The following LDLRAD4 variants were observed in gnomAD, a reference collection of about 807,000 sequenced individuals.
LDLRAD4 encodes the protein low density lipoprotein receptor class A domain containing 4, also known as low-density lipoprotein receptor class A domain-containing protein 4.
In LDLRAD4, 5 loss-of-function variants were observed where a neutral mutation model predicts 17.0. That is an observed-to-expected ratio of 0.29 (90% confidence interval 0.15 to 0.62). LDLRAD4 has a LOEUF of 0.62. Among genes scored for constraint, LDLRAD4 ranks in the 20% least tolerant of loss-of-function variants. The pLI is 0.84. For synonymous variants in LDLRAD4, 168 were observed against 171.8 expected (o/e 0.98, Z 0.17); for missense variants, 340 against 424.7 (o/e 0.80, Z 1.75).
intron 3 of LDLRAD4, among the ~76,000 whole-genome samples, chr18:13,564,756 T>C (rs868242465): frequency 7.2e-5 from 11 of 152,288 alleles, no homozygotes; most frequent in Middle Eastern, 6.8e-3. Flanking sequence ...TTCATTGCCT[T>C]GGCAGTGCTC....
chr18:13,478,912 A>G (rs1470923668), intron 3 of LDLRAD4, among the ~76,000 whole-genome samples: 1 of 152,256 alleles, frequency 6.6e-6, no homozygotes, highest in African/African-American at 2.4e-5. Context: ...TAGGTTGGCA[A>G]AAGAACAGAC....
intron 1 of LDLRAD4, among the ~76,000 whole-genome samples, chr18:13,324,176 C>T (rs866237705): frequency 7.3e-5 from 11 of 150,430 alleles, no homozygotes; most frequent in Middle Eastern, 3.4e-3. Context: ...CTCGCTCTGT[C>T]GCCCAGGCTG....
At chr18:13,347,042 T>G (rs911769004) in intron 1 of LDLRAD4, among the ~76,000 whole-genome samples, 10 of 152,188 alleles carry the variant, frequency 6.6e-5, no homozygotes, top group African/African-American at 2.4e-4. Flanking sequence ...CAGTCTGTGT[T>G]TTTTAACTGG....
Position 13,226,180 on chromosome 18 carries a change from C to CTTTT in LDLRAD4, c.-467+7210_-467+7213dup, listed in dbSNP as rs71174166. On this transcript the variant is annotated intron_variant, in intron 1 of 5. Transcript: ENST00000399848. The stretch of plus-strand genomic sequence containing the variant: ...GGACTACAGATGCTGCCATGCCTTG[C>CTTTT]TTTTTTTTTTTTTTTTTTTTTGTAG... Among the ~76,000 whole-genome samples the CTTTT allele has an allele frequency of 1.2e-3, 62 of 52,200 alleles. 5 individuals carry two copies. The highest frequency in any genetic ancestry group is 3.6e-3 in the South Asian group (3 of 842). The allele number at this position is 52,200 out of a possible 152,430, so 34.2% of individuals were successfully genotyped here. A position where few individuals can be genotyped will look rare whatever the true frequency, so the allele number is the denominator to read the frequency against.
intron 3 of LDLRAD4, among the ~76,000 whole-genome samples, chr18:13,580,357 A>G (rs1438244446): frequency 2.6e-5 from 4 of 152,300 alleles, no homozygotes; most frequent in Non-Finnish European, 4.4e-5. Flanking sequence ...CCTTTTCGTC[A>G]TCTCAAATCC....
At chr18:13,342,477 C>CTTTTTTT (rs10706515) in intron 1 of LDLRAD4, among the ~76,000 whole-genome samples, 21 of 38,696 alleles carry the variant, frequency 5.4e-4, no homozygotes, top group South Asian at 1.4e-3. Context: ...GCCTTCCTGT[C>CTTTTTTT]TTTTTTTTTT....
At chr18:13,347,379 T>C (rs1342658689) in intron 1 of LDLRAD4, among the ~76,000 whole-genome samples, 3 of 152,240 alleles carry the variant, frequency 2.0e-5, no homozygotes, top group African/African-American at 7.2e-5. Flanking sequence ...TTCTTTTCTT[T>C]AAGAATGTTG....
intron 3 of LDLRAD4, among the ~76,000 whole-genome samples, chr18:13,534,527 C>CT (rs1291680559): frequency 6.6e-6 from 1 of 151,806 alleles, no homozygotes; most frequent in Non-Finnish European, 1.5e-5. Context: ...TATAATCTTT[C>CT]TTGAAGAGAC....
chr18:13,222,409 A>C (rs1373528975), intron 1 of LDLRAD4, among the ~76,000 whole-genome samples: 2 of 152,112 alleles, frequency 1.3e-5, no homozygotes, highest in Non-Finnish European at 2.9e-5. Flanking sequence ...TGCTGGAAAA[A>C]GAGAAGCATT....
chr18:13,230,881 C>G (rs1226016920), intron 1 of LDLRAD4, among the ~76,000 whole-genome samples: 1 of 152,230 alleles, frequency 6.6e-6, no homozygotes, highest in Non-Finnish European at 1.5e-5. Flanking sequence ...AATCCTGACA[C>G]AGGTCGGGGA....
intron 3 of LDLRAD4, among the ~76,000 whole-genome samples, chr18:13,570,530 G>A (rs1785145): frequency 0.24 from 36,892 of 152,138 alleles, 4,923 homozygotes; most frequent in East Asian, 0.36. Flanking sequence ...GGTCTCAGCC[G>A]GGGACCTCCT....
At chr18:13,523,618 C>T (rs946957779) in intron 3 of LDLRAD4, among the ~76,000 whole-genome samples, 1 of 152,170 alleles carries the variant, frequency 6.6e-6, no homozygotes, top group Non-Finnish European at 1.5e-5. Flanking sequence ...CTCCTGGGCT[C>T]TTCAGAGCCA....
At chr18:13,307,699 A>G (rs565448111) in intron 1 of LDLRAD4, among the ~76,000 whole-genome samples, 52 of 152,352 alleles carry the variant, frequency 3.4e-4, no homozygotes, top group African/African-American at 1.2e-3. Context: ...GATTACAGGC[A>G]TGAGCTGCCA....
rs1340475104 is a variant in LDLRAD4 at position 13,398,792 on chromosome 18, A to G, written c.40+11030A>G. On this transcript the variant is annotated intron_variant, in intron 2 of 5. Transcript: ENST00000359446. The surrounding 1 kb of genome is among the most constrained non-coding windows in gnomAD (Gnocchi z 4.8). Reference sequence around the variant, plus strand: ...CGTCTCTGCAGAACCAGGCCCTGCCAGTGACCAGCCCACCCTCCCCGGGGG... The same window carrying G: ...CGTCTCTGCAGAACCAGGCCCTGCCGGTGACCAGCCCACCCTCCCCGGGGG... Among the ~76,000 whole-genome samples, 2 of 152,116 alleles carry G rather than the reference A, an allele frequency of 1.3e-5. No homozygotes were observed. The highest frequency in any genetic ancestry group is 4.8e-5 in the African/African-American group (2 of 41,424).
At chr18:13,252,862 C>A (rs1055666452) in intron 1 of LDLRAD4, among the ~76,000 whole-genome samples, 2 of 152,220 alleles carry the variant, frequency 1.3e-5, no homozygotes, top group African/African-American at 4.8e-5. Flanking sequence ...TTGCGCTGTT[C>A]CTAGAATAGT....
chr18:13,609,358 T>C (rs1420429695), intron 3 of LDLRAD4, among the ~76,000 whole-genome samples: 1 of 152,084 alleles, frequency 6.6e-6, no homozygotes, highest in African/African-American at 2.4e-5. Context: ...CAAGTGGTGC[T>C]TAAAAGGAAT....
At chr18:13,643,312 C>A in intron 4 of LDLRAD4, 47 bp from the exon 6 acceptor site, 1 of 1,259,076 alleles carries the variant, frequency 7.9e-7, no homozygotes, top group Non-Finnish European at 1.1e-6. Flanking sequence ...TAATGATTTT[C>A]CTCTGTTTCT....
At chr18:13,448,129 G>A (rs771656791) in intron 3 of LDLRAD4, among the ~76,000 whole-genome samples, 3 of 152,216 alleles carry the variant, frequency 2.0e-5, no homozygotes, top group Non-Finnish European at 2.9e-5. Context: ...GATTTAAGCC[G>A]TACTGCCCAG....
chr18:13,532,155 G>T (rs2147832983), intron 3 of LDLRAD4, among the ~76,000 whole-genome samples: 1 of 152,306 alleles, frequency 6.6e-6, no homozygotes, highest in South Asian at 2.1e-4. Context: ...GCAGCTGCCG[G>T]GCTGTTAAAG....
Sources: gnomAD v4.1 joint callset for allele counts (sites outside exome capture counted in the v4.1 genomes callset) on GRCh38, gnomAD v4.1.1 for gene constraint, Gnocchi (gnomAD v3.1) non-coding constraint, MANE v1.5 for transcripts, NCBI Gene and HGNC (gene_info 2026-07-23, HGNC 2026-07-21) for gene names.